PTTG1IP2: variants seen among roughly 807,000 people sequenced by gnomAD.
The protein encoded by PTTG1IP2 is PTTG1IP family member 2.
chr7:90,482,513 C>A (rs537341297), intron 2 of PTTG1IP2, among the ~76,000 whole-genome samples: 2 of 150,994 alleles, frequency 1.3e-5, no homozygotes, highest in East Asian at 3.9e-4. Flanking sequence ...CAACCCCCCC[C>A]CCACACAACT....
intron 2 of PTTG1IP2, among the ~76,000 whole-genome samples, chr7:90,483,390 G>A (rs1797835145): frequency 6.6e-6 from 1 of 152,066 alleles, no homozygotes; most frequent in East Asian, 1.9e-4. Context: ...GAATCCCTTA[G>A]TCCTTGCCTC....
chr7:90,496,025 A>C (rs1797986956), intron 6 of PTTG1IP2, among the ~76,000 whole-genome samples: 1 of 152,192 alleles, frequency 6.6e-6, no homozygotes, highest in African/African-American at 2.4e-5. Flanking sequence ...GACATAAATG[A>C]TCCTCTTAAT....
At chr7:90,484,851 C>T (rs1224089534) in intron 2 of PTTG1IP2, among the ~76,000 whole-genome samples, 2 of 152,204 alleles carry the variant, frequency 1.3e-5, no homozygotes, top group Non-Finnish European at 2.9e-5. Context: ...AGCTCTGCCT[C>T]CCTCTGGGAA....
chr7:90,488,293 G>T (rs1797899426), intron 3 of PTTG1IP2, among the ~76,000 whole-genome samples: 1 of 148,804 alleles, frequency 6.7e-6, no homozygotes, highest in Non-Finnish European at 1.5e-5. Flanking sequence ...GCCTTATAAA[G>T]AAGTTACACT....
intron 6 of PTTG1IP2, among the ~76,000 whole-genome samples, chr7:90,504,994 A>G (rs12216564): frequency 6.8e-4 from 104 of 152,362 alleles, no homozygotes; most frequent in Admixed American, 1.4e-3. Context: ...CAAACATATC[A>G]TAAGACTTAG....
intron 6 of PTTG1IP2, among the ~76,000 whole-genome samples, chr7:90,505,691 A>T (rs1236811914): frequency 6.6e-6 from 1 of 152,162 alleles, no homozygotes; most frequent in Non-Finnish European, 1.5e-5. Flanking sequence ...GCTATAAGAA[A>T]ATGCCTGTTT....
chr7:90,507,708 C>A (rs979286876), intron 6 of PTTG1IP2, among the ~76,000 whole-genome samples: 1 of 151,988 alleles, frequency 6.6e-6, no homozygotes, highest in Non-Finnish European at 1.5e-5. Context: ...CTTAAGTATT[C>A]CTGTATAAAA....
intron 6 of PTTG1IP2, among the ~76,000 whole-genome samples, chr7:90,498,478 A>G (rs946001560): frequency 2.6e-5 from 4 of 152,208 alleles, no homozygotes; most frequent in African/African-American, 9.7e-5. Flanking sequence ...ATGGAAGAAG[A>G]TATTCAACAC....
intron 4 of PTTG1IP2, among the ~76,000 whole-genome samples, chr7:90,491,590 C>T (rs1797938690): frequency 6.7e-6 from 1 of 150,210 alleles, no homozygotes; most frequent in Non-Finnish European, 1.5e-5. Context: ...ACCACTGCAC[C>T]CCAGCCCGGG....
chr7:90,508,559 A>G (rs1452932684), intron 6 of PTTG1IP2, among the ~76,000 whole-genome samples: 1 of 152,174 alleles, frequency 6.6e-6, no homozygotes, highest in Admixed American at 6.5e-5. Context: ...AGCAATAGTA[A>G]ATAAATTCTG....
At chr7:90,475,703 G>A (rs1797740521) in intron 1 of PTTG1IP2, among the ~76,000 whole-genome samples, 1 of 152,214 alleles carries the variant, frequency 6.6e-6, no homozygotes, top group South Asian at 2.1e-4. Flanking sequence ...GCTCACGCCT[G>A]TAATCCCAGC....
rs1239477174 is a variant in PTTG1IP2 at position 90,505,710 on chromosome 7, C to T, written c.*51-7568C>T. On this transcript the variant is annotated intron_variant, in intron 6 of 6. Coordinates refer to ENST00000509356, the MANE Select transcript of PTTG1IP2 (RefSeq NM_001365443.2). ...TAAGAAAATGCCTGTTTCGGCCGGG[C>T]GCAGTGGCTCACGCCTGTAATCCCA... Among the ~76,000 whole-genome samples, 5 of 152,102 alleles carry T rather than the reference C, an allele frequency of 3.3e-5. No homozygotes were observed. In the East Asian group the frequency reaches 9.7e-4, roughly 29 times the overall value.
intron 1 of PTTG1IP2, among the ~76,000 whole-genome samples, chr7:90,471,409 T>G (rs1358104793): frequency 6.6e-6 from 1 of 152,202 alleles, no homozygotes; most frequent in Non-Finnish European, 1.5e-5. Flanking sequence ...TGATGTTCAT[T>G]TACATTTGAG....
At chr7:90,472,798 G>T (rs1797706687) in intron 1 of PTTG1IP2, among the ~76,000 whole-genome samples, 1 of 152,060 alleles carries the variant, frequency 6.6e-6, no homozygotes, top group South Asian at 2.1e-4. Flanking sequence ...CTATTTTCCT[G>T]GTTGGATCCT....
chr7:90,503,050 T>A lies in PTTG1IP2; in HGVS notation c.*50+8620T>A, dbSNP rs1798078802. ...GAATCTATTTTTTAGTGTAGCCACC[T>A]TCATCAATGATCTTAGGTAGATCTT... On this transcript the variant is annotated intron_variant, in intron 6 of 6. Coordinates refer to ENST00000509356, the MANE Select transcript of PTTG1IP2 (RefSeq NM_001365443.2). 2.6e-5 allele frequency among the ~76,000 whole-genome samples: 4 copies of A among 152,216 alleles called. No homozygotes were observed. The South Asian group carries it at 8.3e-4, about 32-fold the overall frequency.
intron 6 of PTTG1IP2, among the ~76,000 whole-genome samples, chr7:90,505,377 T>C (rs1486761301): frequency 1.3e-5 from 2 of 152,236 alleles, no homozygotes; most frequent in Non-Finnish European, 2.9e-5. Flanking sequence ...AGGAATTTAC[T>C]CTGACATTTT....
intron 6 of PTTG1IP2, among the ~76,000 whole-genome samples, chr7:90,512,352 G>A (rs1197706106): frequency 6.6e-6 from 1 of 152,128 alleles, no homozygotes; most frequent in South Asian, 2.1e-4. Context: ...AAGAAGGGTG[G>A]AGAATGTACT....
chr7:90,484,953 C>G (rs1330564236), intron 2 of PTTG1IP2, among the ~76,000 whole-genome samples: 1 of 152,162 alleles, frequency 6.6e-6, no homozygotes, highest in African/African-American at 2.4e-5. Flanking sequence ...ATGTCTGTAA[C>G]TTAAATAGTT....
chr7:90,506,165 A>G (rs10487117), intron 6 of PTTG1IP2, among the ~76,000 whole-genome samples: 7,933 of 152,026 alleles, frequency 0.052, 499 homozygotes, highest in East Asian at 0.16. Flanking sequence ...ATAATGAGGG[A>G]TACATTTTTG....
Sources: gnomAD v4.1 joint callset for allele counts (sites outside exome capture counted in the v4.1 genomes callset) on GRCh38, gnomAD v4.1.1 for gene constraint, MANE v1.5 for transcripts, NCBI Gene and HGNC (gene_info 2026-07-23, HGNC 2026-07-21) for gene names.